TSPEAR: variants seen among roughly 807,000 people sequenced by gnomAD.
The protein encoded by TSPEAR is thrombospondin type laminin G domain and EAR repeats.
In TSPEAR, 69 loss-of-function variants were observed where a neutral mutation model predicts 71.6. The ratio of observed to expected loss-of-function variants is 0.96; its 90% CI spans 0.79 to 1.18. TSPEAR has a LOEUF of 1.18. Ranked by LOEUF, TSPEAR falls within the 50% of genes most tolerant of loss-of-function variation. TSPEAR has a pLI of 0.00. For missense variants in TSPEAR, 971 were observed against 894.9 expected (o/e 1.09, Z -1.09); for synonymous variants, 402 against 387.2 (o/e 1.04, Z -0.45).
At chr21:44,659,397 G>T (rs1240999086) in intron 1 of TSPEAR, among the ~76,000 whole-genome samples, 1 of 151,218 alleles carries the variant, frequency 6.6e-6, no homozygotes, top group Non-Finnish European at 1.5e-5. Context: ...AGCGGTTGGT[G>T]CACTGAAGGT....
chr21:44,557,741 T>C, intron 2 of TSPEAR: 1 of 403,614 alleles, frequency 2.5e-6, no homozygotes, highest in South Asian at 3.7e-5. Flanking sequence ...ACGCGGCACG[T>C]TGAAGTTCTT....
intron 2 of TSPEAR, among the ~76,000 whole-genome samples, chr21:44,564,669 A>T (rs781786569): frequency 6.6e-6 from 1 of 152,178 alleles, no homozygotes; most frequent in Non-Finnish European, 1.5e-5. Context: ...AGAAATAGAC[A>T]AGTCAACAAT....
In TSPEAR at chr21:44,582,140, G is replaced by A. The variant is rs146659425; in HGVS notation, c.83-14135C>T. On this transcript the variant is annotated intron_variant, in intron 1 of 11. Coordinates refer to ENST00000323084, the MANE Select transcript of TSPEAR (RefSeq NM_144991.3). The stretch of plus-strand genomic sequence containing the variant: ...GGAAAGCCAGGAAGGCTAGGATGAC[G>A]TCATATCAGCGGGTGTGCTACAGAC... 2.4e-3 allele frequency among the ~76,000 whole-genome samples: 367 copies of A among 152,352 alleles called. 4 individuals carry two copies. The highest frequency in any genetic ancestry group is 8.2e-3 in the African/African-American group (339 of 41,576).
intron 1 of TSPEAR, among the ~76,000 whole-genome samples, chr21:44,708,200 G>T (rs1988040644): frequency 6.6e-6 from 1 of 152,122 alleles, no homozygotes; most frequent in Non-Finnish European, 1.5e-5. Context: ...CCCAGCAGGG[G>T]GGACTGCAGG....
chr21:44,635,321 G>A (rs910673251), intron 1 of TSPEAR, among the ~76,000 whole-genome samples: 62 of 146,424 alleles, frequency 4.2e-4, no homozygotes, highest in African/African-American at 1.6e-3. Context: ...ACTCCAGCCT[G>A]GGTGACAGAG....
intron 5 of TSPEAR, 102 bp downstream of exon 5, chr21:44,529,696 A>C: frequency 3.0e-6 from 4 of 1,344,098 alleles, no homozygotes; most frequent in Non-Finnish European, 4.2e-6. Context: ...GGGGGCAGGC[A>C]CACGAGAGGG....
At chr21:44,708,842 G>T (rs1988070900) in intron 1 of TSPEAR, among the ~76,000 whole-genome samples, 1 of 152,240 alleles carries the variant, frequency 6.6e-6, no homozygotes, top group East Asian at 1.9e-4. Flanking sequence ...CTCCGTGTGG[G>T]CAGGGGCCCT....
In TSPEAR at chr21:44,509,273, G is replaced by A. The variant is rs2052287605; in HGVS notation, c.1680C>T (p.Val560=). 6.2e-7 allele frequency: 1 copy of A among 1,614,118 alleles called. No homozygotes were observed. Among genetic ancestry groups the A allele is most frequent in the Non-Finnish European group, 8.5e-7 (1 of 1,180,034 alleles). The stretch of plus-strand genomic sequence containing the variant: ...TCAGCTCGTAGATGACGGAGTTGAT[G>A]ACATAGGAATCATTCTGGACTTGCA... The part of the protein sequence containing the change: ...VEMQVQNDSY[V]INSVIYELNV... Residue 560 remains valine, a synonymous_variant, in exon 10 of 12, where the codon GTC becomes GTT. Coordinates refer to ENST00000323084, the MANE Select transcript of TSPEAR (RefSeq NM_144991.3).
chr21:44,516,475 T>C (rs1163877649), intron 9 of TSPEAR: 1 of 152,274 alleles, frequency 6.6e-6, no homozygotes, highest in Non-Finnish European at 1.5e-5. Context: ...GGGTGTGGGA[T>C]GGAGATGCAG....
At chr21:44,651,979 CTTTTTTT>C (rs60867977) in intron 1 of TSPEAR, among the ~76,000 whole-genome samples, 34 of 124,524 alleles carry the variant, frequency 2.7e-4, no homozygotes, top group African/African-American at 4.0e-4. Context: ...ATAAAACTTT[CTTTTTTT>C]TTTTTTTTTT....
chr21:44,626,897 C>T (rs1555934467), intron 1 of TSPEAR, among the ~76,000 whole-genome samples: 1 of 152,112 alleles, frequency 6.6e-6, no homozygotes, highest in African/African-American at 2.4e-5. Context: ...ACCCCAACTC[C>T]TGCCCCTGAG....
intron 1 of TSPEAR, chr21:44,600,894 G>T: frequency 6.2e-7 from 1 of 1,612,022 alleles, no homozygotes; most frequent in Non-Finnish European, 8.5e-7. Flanking sequence ...CGTGCTGCCA[G>T]CAGTCTAGCT....
intron 7 of TSPEAR, 120 bp downstream of exon 7, chr21:44,527,172 G>A: frequency 1.1e-6 from 1 of 919,438 alleles, no homozygotes; most frequent in Non-Finnish European, 1.7e-6. Flanking sequence ...TTTACCGCCT[G>A]AACGAGGTGA....
In TSPEAR at chr21:44,612,644, G is replaced by A; in HGVS notation, c.83-44639C>T. On this transcript the variant is annotated intron_variant, in intron 1 of 11. Transcript: ENST00000323084. The surrounding 1 kb of genome is among the most constrained non-coding windows in gnomAD (Gnocchi z 4.1). ...CATCTGCTGTGTGCCTGTCTGCTCTGGGGCTTCCTCTCTGTGCTGCCAGAA... is the reference window on the plus strand; with the variant it reads ...CATCTGCTGTGTGCCTGTCTGCTCTAGGGCTTCCTCTCTGTGCTGCCAGAA... The A allele has an allele frequency of 6.2e-7, 1 of 1,613,064 alleles. No individual in the cohort carries two copies. The highest frequency in any genetic ancestry group is 8.5e-7 in the Non-Finnish European group (1 of 1,179,820).
chr21:44,553,839 T>TG (rs1191072976), intron 2 of TSPEAR, among the ~76,000 whole-genome samples: 3 of 152,246 alleles, frequency 2.0e-5, no homozygotes, highest in Non-Finnish European at 4.4e-5. Flanking sequence ...CTCAGACCCC[T>TG]GTCCCACTAA....
chr21:44,709,136 C>T (rs1259397827), intron 1 of TSPEAR, among the ~76,000 whole-genome samples: 1 of 151,908 alleles, frequency 6.6e-6, no homozygotes, highest in African/African-American at 2.4e-5. Flanking sequence ...CCACCAGTGA[C>T]CCCGCCCACT....
rs148485689 is a variant in TSPEAR at position 44,555,430 on chromosome 21, C to A, written c.303+12355G>T. On this transcript the variant is annotated intron_variant, in intron 2 of 11. Coordinates refer to ENST00000323084, the MANE Select transcript of TSPEAR (RefSeq NM_144991.3). ...TGGGGACTCCCGCACTAGCAGGGCC[C>A]CCACATCCCACAGGATGAGCCAAAG... 2.0e-4 allele frequency among the ~76,000 whole-genome samples: 31 copies of A among 152,304 alleles called. No homozygotes were observed. The East Asian group carries it at 5.6e-3, about 28-fold the overall frequency.
At chr21:44,516,942 A>G (rs1555913522) in intron 9 of TSPEAR, among the ~76,000 whole-genome samples, 1 of 152,034 alleles carries the variant, frequency 6.6e-6, no homozygotes, top group African/African-American at 2.4e-5. Flanking sequence ...CCATCTTCCC[A>G]TCGCAGGAGC....
chr21:44,514,123 CCCGCCCAGGCT>C (rs1252718915), intron 9 of TSPEAR, among the ~76,000 whole-genome samples: 8 of 152,224 alleles, frequency 5.3e-5, no homozygotes. Context: ...CTGGAGCCCT[CCCGCCCAGGCT>C]CTGCCCAGCC....
Sources: gnomAD v4.1 joint callset for allele counts (sites outside exome capture counted in the v4.1 genomes callset) on GRCh38, gnomAD v4.1.1 for gene constraint, Gnocchi (gnomAD v3.1) non-coding constraint, MANE v1.5 for transcripts, NCBI Gene and HGNC (gene_info 2026-07-23, HGNC 2026-07-21) for gene names.